The following SV2C variants were observed in gnomAD, a reference collection of about 807,000 sequenced individuals.
SV2C encodes the protein synaptic vesicle glycoprotein 2C.
In SV2C, 49 loss-of-function variants were observed where a neutral mutation model predicts 79.7. The observed-to-expected ratio is 0.61, with a 90% CI of 0.49 to 0.78. SV2C has a LOEUF of 0.78. SV2C is among the 30% of genes least tolerant of loss of function. The pLI is 0.00. For missense variants in SV2C, 833 were observed against 912.9 expected (o/e 0.91, Z 1.13); for synonymous variants, 334 against 333.2 (o/e 1.00, Z -0.03).
At chr5:75,925,954 T>A in the SV2C span, among the ~76,000 whole-genome samples, 3 of 152,140 alleles carry the variant, frequency 2.0e-5, no homozygotes, top group Non-Finnish European at 4.4e-5. Context: ...TTTCTTTGAC[T>A]CATATTTAAA....
chr5:76,092,879 C>T (rs1256429242), intron 1 of SV2C, among the ~76,000 whole-genome samples: 3 of 152,078 alleles, frequency 2.0e-5, no homozygotes, highest in East Asian at 3.9e-4. Flanking sequence ...CTCAGTCTCT[C>T]CTAGGCCCCT....
At chr5:75,996,236 G>T in the SV2C span, among the ~76,000 whole-genome samples, 10 of 152,040 alleles carry the variant, frequency 6.6e-5, no homozygotes, top group Admixed American at 2.6e-4. Flanking sequence ...ATTTATTAAA[G>T]AGGGAATCCT....
chr5:76,156,156 T>A (rs1742719997), intron 2 of SV2C, among the ~76,000 whole-genome samples: 1 of 152,034 alleles, frequency 6.6e-6, no homozygotes, highest in Admixed American at 6.6e-5. Flanking sequence ...CCAAATTTGA[T>A]TGAATCAATC....
chr5:75,913,440 G>T, the SV2C span, among the ~76,000 whole-genome samples: 2 of 152,198 alleles, frequency 1.3e-5, no homozygotes, highest in African/African-American at 4.8e-5. Context: ...CTCCTAGAGG[G>T]TTTAAGTCCA....
In SV2C at chr5:76,169,763, G is replaced by C. The variant is rs1405285215; in HGVS notation, c.581-25156G>C. ...ATAGCACGTGGAATTTGAGGGGCTTGAGAAAGGCAGCCCTCGAGGAATTAG... is the reference window on the plus strand; with the variant it reads ...ATAGCACGTGGAATTTGAGGGGCTTCAGAAAGGCAGCCCTCGAGGAATTAG... On this transcript the variant is annotated intron_variant, in intron 2 of 12. Coordinates refer to ENST00000502798, the MANE Select transcript of SV2C (RefSeq NM_014979.4). Among the ~76,000 whole-genome samples, 3 of 152,316 alleles carry C rather than the reference G, an allele frequency of 2.0e-5. No individual in the cohort carries two copies. In the East Asian group the frequency reaches 5.8e-4, roughly 29 times the overall value.
chr5:76,179,188 C>G (rs1580333862), intron 2 of SV2C, among the ~76,000 whole-genome samples: 1 of 152,118 alleles, frequency 6.6e-6, no homozygotes, highest in Non-Finnish European at 1.5e-5. Flanking sequence ...AGTTGAAGTT[C>G]AAGGTACATG....
At chr5:76,280,923 A>G in intron 4 of SV2C, 1 of 525,872 alleles carries the variant, frequency 1.9e-6, no homozygotes, top group Non-Finnish European at 3.8e-6. Flanking sequence ...CCTGGTGCTG[A>G]GAGCGCGACA....
rs1004687959 is a variant in SV2C, at chr5:76,331,618, T to G, written c.*6071T>G. Reference sequence around the variant, plus strand: ...CCCCATTGCCATTTTTGCCCACCAGTTCTCTTCTTACCTCCTCAGGGCAGT... The same window carrying G: ...CCCCATTGCCATTTTTGCCCACCAGGTCTCTTCTTACCTCCTCAGGGCAGT... On this transcript the variant is annotated 3_prime_UTR_variant, in exon 13 of 13. Coordinates refer to ENST00000502798, the MANE Select transcript of SV2C (RefSeq NM_014979.4). The G allele has an allele frequency of 6.6e-6, 1 of 152,302 alleles. No homozygotes were observed. Among genetic ancestry groups the G allele is most frequent in the African/African-American group, 2.4e-5 (1 of 41,446 alleles). 9.4% of individuals were successfully genotyped at this position (152,302 alleles called of 1,614,324 possible).
the SV2C span, among the ~76,000 whole-genome samples, chr5:75,925,795 C>A: frequency 5.3e-5 from 8 of 151,634 alleles, no homozygotes; most frequent in African/African-American, 1.9e-4. Flanking sequence ...TTAGAGTAAG[C>A]AATTTAAAAA....
At chr5:76,308,111 A>G (rs1418186164) in intron 12 of SV2C, among the ~76,000 whole-genome samples, 3 of 152,186 alleles carry the variant, frequency 2.0e-5, no homozygotes, top group Non-Finnish European at 4.4e-5. Flanking sequence ...GCAGTCATTT[A>G]CATATTATGT....
the SV2C span, among the ~76,000 whole-genome samples, chr5:75,901,468 G>A: frequency 2.6e-5 from 4 of 152,118 alleles, no homozygotes; most frequent in Non-Finnish European, 4.4e-5. Flanking sequence ...AGGAGTACCC[G>A]GCCGTGTGAG....
At chr5:76,171,425 G>A (rs867252920) in intron 2 of SV2C, among the ~76,000 whole-genome samples, 1 of 95,424 alleles carries the variant, frequency 1.0e-5, no homozygotes, top group Non-Finnish European at 2.3e-5. Flanking sequence ...GCCTCTGCCC[G>A]GCCGAGACCC....
At chr5:76,193,302 G>A (rs913252999) in intron 2 of SV2C, among the ~76,000 whole-genome samples, 2 of 152,140 alleles carry the variant, frequency 1.3e-5, no homozygotes, top group African/African-American at 4.8e-5. Flanking sequence ...AATGCCTTCA[G>A]GGAAAGGTGG....
chr5:76,037,869 G>T, the SV2C span, among the ~76,000 whole-genome samples: 1 of 152,102 alleles, frequency 6.6e-6, no homozygotes. Context: ...AGTTTGATCT[G>T]ACTGCTGTGC....
At chr5:76,345,183 A>G (rs1031932706) in intron 12 of SV2C, among the ~76,000 whole-genome samples, 1 of 152,246 alleles carries the variant, frequency 6.6e-6, no homozygotes, top group African/African-American at 2.4e-5. Flanking sequence ...ATCACGTGCC[A>G]GTTCTCAACT....
chr5:76,279,091 T>C (rs1249562405), intron 4 of SV2C, among the ~76,000 whole-genome samples: 1 of 152,138 alleles, frequency 6.6e-6, no homozygotes, highest in Admixed American at 6.5e-5. Flanking sequence ...GGTCTCAGTT[T>C]TTGACACGTG....
chr5:76,080,756 A>C (rs2112073756), upstream of SV2C, among the ~76,000 whole-genome samples: 1 of 152,344 alleles, frequency 6.6e-6, no homozygotes, highest in Admixed American at 6.5e-5. Flanking sequence ...ACTTTAGAGT[A>C]CTGGGATTCT....
chr5:76,230,989 G>C (rs1745401771), intron 4 of SV2C, among the ~76,000 whole-genome samples: 1 of 152,206 alleles, frequency 6.6e-6, no homozygotes, highest in South Asian at 2.1e-4. Context: ...GAGTTCCTGT[G>C]TAAGTAATTT....
At chr5:76,039,400 A>G in the SV2C span, among the ~76,000 whole-genome samples, 1 of 152,202 alleles carries the variant, frequency 6.6e-6, no homozygotes, top group Non-Finnish European at 1.5e-5. Flanking sequence ...ATTTCAGTGC[A>G]TAGAATAGAA....
Sources: allele counts gnomAD v4.1 joint callset (sites outside exome capture counted in the v4.1 genomes callset), GRCh38; gene constraint gnomAD v4.1.1; transcripts MANE v1.5; gene names NCBI Gene and HGNC (gene_info 2026-07-23, HGNC 2026-07-21).